Variants in TSPAN7 observed in about 807,000 individuals in gnomAD.
TSPAN7 encodes tetraspanin-7.
Under a neutral mutation model 17.6 loss-of-function variants are expected in TSPAN7, and 1 was observed. That is an observed-to-expected ratio of 0.06 (90% CI 0.02 to 0.27). The LOEUF is 0.27. TSPAN7 is among the 10% of genes least tolerant of loss of function. TSPAN7 has a pLI of 1.00. For missense variants in TSPAN7, 112 were observed against 201.7 expected (o/e 0.56, Z 2.69); for synonymous variants, 78 against 79.0 (o/e 0.99, Z 0.07).
chrX:38,603,829 G>T (rs1014781825), intron 1 of TSPAN7, among the ~76,000 whole-genome samples: 3 of 108,080 alleles, frequency 2.8e-5, no homozygotes, highest in African/African-American at 1.0e-4. Context: ...TTATTTTTTT[G>T]TTGTTTTTCT....
chrX:38,604,264 G>C (rs2069364530), intron 1 of TSPAN7, among the ~76,000 whole-genome samples: 1 of 103,164 alleles, frequency 9.7e-6, no homozygotes, highest in South Asian at 4.6e-4. Context: ...TCTTAATCCA[G>C]TCTATCATTG....
At chrX:38,562,302 C>T (rs938634337) in intron 1 of TSPAN7, among the ~76,000 whole-genome samples, 1 of 111,636 alleles carries the variant, frequency 9.0e-6, no homozygotes, top group African/African-American at 3.3e-5. Context: ...CTTTGGATTC[C>T]TTTCCCACCT....
At chrX:38,615,537 G>A (rs773648859) in intron 1 of TSPAN7, among the ~76,000 whole-genome samples, 193 of 101,341 alleles carry the variant, frequency 1.9e-3, no homozygotes, top group Middle Eastern at 5.2e-3. Context: ...GTCTTTTAAT[G>A]TCCTCTCCAG....
intron 1 of TSPAN7, among the ~76,000 whole-genome samples, chrX:38,625,834 A>C (rs2069519208): frequency 8.9e-6 from 1 of 112,042 alleles, no homozygotes; most frequent in Non-Finnish European, 1.9e-5. Context: ...GATAGCTTCA[A>C]TTTTCTTTGT....
At chrX:38,589,578 T>C (rs2069279018) in intron 1 of TSPAN7, among the ~76,000 whole-genome samples, 1 of 112,108 alleles carries the variant, frequency 8.9e-6, no homozygotes, top group Admixed American at 9.5e-5. Flanking sequence ...AAAATGTGAA[T>C]CACAACACAC....
intron 2 of TSPAN7, among the ~76,000 whole-genome samples, chrX:38,668,815 G>A (rs889312148): frequency 1.8e-5 from 2 of 111,830 alleles, no homozygotes; most frequent in African/African-American, 6.5e-5. Flanking sequence ...GGATCATATG[G>A]TAGTTCTACT....
chrX:38,653,636 G>A (rs1400838594), intron 1 of TSPAN7, among the ~76,000 whole-genome samples: 2 of 112,425 alleles, frequency 1.8e-5, no homozygotes, highest in African/African-American at 3.2e-5. Context: ...TCTGGTTCAC[G>A]TCGACATACA....
At chrX:38,651,776 C>T (rs2069677542) in intron 1 of TSPAN7, among the ~76,000 whole-genome samples, 1 of 111,919 alleles carries the variant, frequency 8.9e-6, no homozygotes, top group Non-Finnish European at 1.9e-5. Flanking sequence ...ATCTCTGGTG[C>T]AATATACCAT....
chrX:38,636,128 T>TC (rs2069579034), intron 1 of TSPAN7, among the ~76,000 whole-genome samples: 1 of 109,799 alleles, frequency 9.1e-6, no homozygotes, highest in Admixed American at 9.7e-5. Context: ...ATAAGGGGGC[T>TC]ATACCCCAGA....
intron 3 of TSPAN7, among the ~76,000 whole-genome samples, chrX:38,673,526 C>G (rs1198310168): frequency 9.2e-6 from 1 of 109,143 alleles, no homozygotes; most frequent in Non-Finnish European, 1.9e-5. Flanking sequence ...TGCCACCATG[C>G]CTGACTAATT....
chrX:38,659,663 A>AATT (rs2069729169), intron 1 of TSPAN7, among the ~76,000 whole-genome samples: 1 of 63,140 alleles, frequency 1.6e-5, no homozygotes, highest in Non-Finnish European at 3.2e-5. Flanking sequence ...TTTTAATTCT[A>AATT]ATTTTTTTTT....
chrX:38,682,687 C>A (rs1473577756), intron 6 of TSPAN7, among the ~76,000 whole-genome samples: 1 of 112,030 alleles, frequency 8.9e-6, no homozygotes, highest in Non-Finnish European at 1.9e-5. Context: ...TGAATTAAAC[C>A]CTCAACCCTC....
intron 1 of TSPAN7, among the ~76,000 whole-genome samples, chrX:38,629,001 T>C (rs939611857): frequency 5.3e-5 from 6 of 112,553 alleles, no homozygotes; most frequent in Non-Finnish European, 7.5e-5. Context: ...TGTTTTCTTT[T>C]TAAAGAAAAT....
chrX:38,618,195 G>T (rs958752507), intron 1 of TSPAN7, among the ~76,000 whole-genome samples: 2 of 111,765 alleles, frequency 1.8e-5, no homozygotes, highest in African/African-American at 6.5e-5. Flanking sequence ...TGTTAGGGAA[G>T]TCAGAACTCG....
intron 6 of TSPAN7, 27 bp from the exon 7 acceptor site, chrX:38,687,572 C>A: frequency 5.0e-6 from 6 of 1,203,581 alleles, no homozygotes; most frequent in Non-Finnish European, 6.7e-6. Context: ...TTGAGATTCT[C>A]ATTTTCGTTT....
chrX:38,592,834 A>C (rs1462026827), intron 1 of TSPAN7, among the ~76,000 whole-genome samples: 1 of 111,084 alleles, frequency 9.0e-6, no homozygotes, highest in Non-Finnish European at 1.9e-5. Context: ...ATAAGAAAAA[A>C]TAATTTTATA....
At chrX:38,591,823 A>T (rs2069293773) in intron 1 of TSPAN7, among the ~76,000 whole-genome samples, 1 of 112,514 alleles carries the variant, frequency 8.9e-6, no homozygotes. Context: ...TTAACATAAC[A>T]ACATAACCAC....
chrX:38,588,170 A>C (rs1425811715), intron 1 of TSPAN7, among the ~76,000 whole-genome samples: 4 of 111,026 alleles, frequency 3.6e-5, no homozygotes, highest in African/African-American at 1.3e-4. Context: ...ATTTGTAGTC[A>C]AGGTTTCATA....
At chrX:38,581,320 C>T (rs929912756) in intron 1 of TSPAN7, among the ~76,000 whole-genome samples, 1 of 112,160 alleles carries the variant, frequency 8.9e-6, no homozygotes, top group African/African-American at 3.2e-5. Context: ...GTTTAATGGA[C>T]TCACGGTTCC....
Sources: gnomAD v4.1 joint callset for allele counts (sites outside exome capture counted in the v4.1 genomes callset) on GRCh38, gnomAD v4.1.1 for gene constraint, MANE v1.5 for transcripts, NCBI Gene and HGNC (gene_info 2026-07-23, HGNC 2026-07-21) for gene names.